The following VMP1 variants were observed in gnomAD, a reference collection of about 807,000 sequenced individuals.
VMP1 encodes the protein ectopic P-granules autophagy protein 3 homolog.
A neutral mutation model predicts 56.0 loss-of-function variants in VMP1; 11 were observed. That is an observed-to-expected ratio of 0.20 (90% CI 0.12 to 0.32). The LOEUF (loss-of-function observed/expected upper bound fraction) is 0.32, where lower values mean the gene tolerates loss of function less well. Ranked by LOEUF, VMP1 falls within the 10% of genes least tolerant of loss-of-function variation. The pLI, the probability that VMP1 is intolerant of heterozygous loss-of-function variation, is 1.00. For missense variants in VMP1, 296 were observed against 490.3 expected, an observed-to-expected ratio of 0.60 and a Z score of 3.74; for synonymous variants, 149 against 165.0, an observed-to-expected ratio of 0.90 and a Z score of 0.74.
At chr17:59,711,780 T>C (rs1052056254) in intron 1 of VMP1, among the ~76,000 whole-genome samples, 2 of 152,216 alleles carry the variant, frequency 1.3e-5, no homozygotes, top group African/African-American at 4.8e-5. Context: ...ATTGAGTAAT[T>C]ATATCACAGC....
chr17:59,776,387 C>T (rs950387470), intron 7 of VMP1, among the ~76,000 whole-genome samples: 8 of 152,126 alleles, frequency 5.3e-5, no homozygotes. Context: ...ATCTGCTTTG[C>T]CTTATCTGCC....
Position 59,731,476 on chromosome 17 carries a change from G to T in VMP1, c.30G>T (p.Gln10His). The T allele has an allele frequency of 1.3e-6, 2 of 1,593,438 alleles. No homozygotes were observed. The highest frequency in any genetic ancestry group is 2.3e-5 in the South Asian group (2 of 86,984). The change falls in exon 2 of 12, where the codon CAG (glutamine) becomes CAT (histidine). Residue 10 changes from glutamine (Q) to histidine (H), a missense_variant. Physicochemically the swap from Gln to His is conservative, Grantham distance 24. Transcript: ENST00000262291. MAENGKNCD[Q>H]RRVAMNKEHH... is the part of the protein sequence containing the mutation. ...CAGAGAATGGAAAAAATTGTGACCA[G>T]AGACGTGTAGCAATGAACAAGGAAC... is the stretch of plus-strand genomic sequence containing the variant.
At chr17:59,764,946 G>A in intron 5 of VMP1, 25 bp from the exon 6 acceptor site, 1 of 1,481,770 alleles carries the variant, frequency 6.7e-7, no homozygotes, top group East Asian at 2.4e-5. Context: ...GTTCTTATCA[G>A]AAGTTTCTTG....
At chr17:59,738,181 G>C (rs2035087330) in intron 4 of VMP1, among the ~76,000 whole-genome samples, 1 of 152,096 alleles carries the variant, frequency 6.6e-6, no homozygotes, top group Non-Finnish European at 1.5e-5. Flanking sequence ...CATCCAAATA[G>C]GTAGGCCTCT....
chr17:59,774,761 C>G (rs2036556949), intron 7 of VMP1, among the ~76,000 whole-genome samples: 1 of 151,988 alleles, frequency 6.6e-6, no homozygotes, highest in South Asian at 2.1e-4. Flanking sequence ...TAGCTTACTG[C>G]AGCTTCAAAC....
intron 6 of VMP1, among the ~76,000 whole-genome samples, chr17:59,767,636 G>GCTGGCTGTGATAACTGCCTC (rs2036278886): frequency 6.6e-6 from 1 of 151,952 alleles, no homozygotes. Flanking sequence ...CACTATCTCG[G>GCTGGCTGTGATAACTGCCTC]CTGGCTGTGA....
intron 1 of VMP1, among the ~76,000 whole-genome samples, chr17:59,718,373 CT>C (rs2034256664): frequency 6.7e-6 from 1 of 149,840 alleles, no homozygotes; most frequent in African/African-American, 2.5e-5. Flanking sequence ...ATTTTTTGTA[CT>C]TTTAGTAGAG....
At chr17:59,791,349 C>T (rs2037220450) in intron 7 of VMP1, among the ~76,000 whole-genome samples, 1 of 151,886 alleles carries the variant, frequency 6.6e-6, no homozygotes, top group Non-Finnish European at 1.5e-5. Flanking sequence ...CCACCGCGCT[C>T]AGCTAATTTT....
At chr17:59,759,912 T>TGG (rs1568094855) in intron 5 of VMP1, among the ~76,000 whole-genome samples, 2,060 of 149,172 alleles carry the variant, frequency 0.014, 44 homozygotes, top group African/African-American at 0.047. Context: ...TGTTTTTTTT[T>TGG]TTTTTTTTTT....
chr17:59,745,034 A>T, intron 5 of VMP1, among the ~76,000 whole-genome samples: 1 of 152,216 alleles, frequency 6.6e-6, no homozygotes, highest in East Asian at 1.9e-4. Flanking sequence ...TCATGCTAAT[A>T]CTAGCTGGTC....
intron 5 of VMP1, among the ~76,000 whole-genome samples, chr17:59,764,694 C>A (rs28650831): frequency 2.0e-5 from 3 of 151,882 alleles, no homozygotes; most frequent in Admixed American, 2.0e-4. Flanking sequence ...TGAATATGTT[C>A]GTCAAAGCTA....
At chr17:59,740,843 A>T (rs1327028544) in intron 5 of VMP1, among the ~76,000 whole-genome samples, 1 of 152,186 alleles carries the variant, frequency 6.6e-6, no homozygotes, top group Non-Finnish European at 1.5e-5. Context: ...TAAGAAACTC[A>T]TTTGTAGCAT....
chr17:59,800,744 T>C (rs908717097), intron 7 of VMP1, among the ~76,000 whole-genome samples: 3 of 152,196 alleles, frequency 2.0e-5, no homozygotes, highest in Admixed American at 2.0e-4. Context: ...TTTGTGGCGA[T>C]GCTGGTGTAA....
chr17:59,730,179 G>C (rs991576330), intron 1 of VMP1, among the ~76,000 whole-genome samples: 3 of 152,028 alleles, frequency 2.0e-5, no homozygotes, highest in African/African-American at 4.8e-5. Flanking sequence ...TTTTATTACT[G>C]AGTTGTAAGA....
chr17:59,762,182 G>A (rs1172898064), intron 5 of VMP1, among the ~76,000 whole-genome samples: 1 of 152,164 alleles, frequency 6.6e-6, no homozygotes, highest in Non-Finnish European at 1.5e-5. Flanking sequence ...TCCGCCGTGA[G>A]ACAGAAAACC....
intron 5 of VMP1, among the ~76,000 whole-genome samples, chr17:59,739,455 T>A (rs1475867429): frequency 6.6e-6 from 1 of 152,226 alleles, no homozygotes; most frequent in Non-Finnish European, 1.5e-5. Flanking sequence ...CTGGGCGTGG[T>A]GGCTCACGCC....
At chr17:59,768,578 G>C (rs531763143) in intron 6 of VMP1, among the ~76,000 whole-genome samples, 1 of 152,170 alleles carries the variant, frequency 6.6e-6, no homozygotes, top group African/African-American at 2.4e-5. Flanking sequence ...ACTCCAGCCT[G>C]GGCGACAGAG....
intron 7 of VMP1, among the ~76,000 whole-genome samples, chr17:59,804,366 C>A (rs939576908): frequency 6.6e-6 from 1 of 152,028 alleles, no homozygotes; most frequent in Non-Finnish European, 1.5e-5. Context: ...GTAATCCCAG[C>A]ACTTTGGGAG....
intron 7 of VMP1, among the ~76,000 whole-genome samples, chr17:59,798,284 A>T (rs983438376): frequency 4.9e-4 from 74 of 152,254 alleles, no homozygotes; most frequent in African/African-American, 1.7e-3. Context: ...AACACTCTGA[A>T]ATGTGTGGTG....
Sources: gnomAD v4.1 joint callset for allele counts (sites outside exome capture counted in the v4.1 genomes callset) on GRCh38, gnomAD v4.1.1 for gene constraint, MANE v1.5 for transcripts, NCBI Gene and HGNC (gene_info 2026-07-23, HGNC 2026-07-21) for gene names.